CFAP20DC: variants seen among roughly 807,000 people sequenced by gnomAD.
The protein encoded by CFAP20DC is protein CFAP20DC.
CFAP20DC carries 84 observed loss-of-function variants against 101.7 expected under a neutral mutation model. The ratio of observed to expected loss-of-function variants is 0.83; its 90% CI spans 0.69 to 0.99. The LOEUF (loss-of-function observed/expected upper bound fraction) is 0.99, where lower values mean the gene tolerates loss of function less well. Among genes scored for constraint, CFAP20DC ranks in the 50% least tolerant of loss-of-function variants. The pLI is 0.00. For missense variants in CFAP20DC, 1,007 were observed against 970.3 expected (o/e 1.04, Z -0.50); for synonymous variants, 359 against 351.2 (o/e 1.02, Z -0.25).
intron 4 of CFAP20DC, among the ~76,000 whole-genome samples, chr3:58,968,299 A>T (rs2091721530): frequency 6.6e-6 from 1 of 152,154 alleles, no homozygotes; most frequent in Admixed American, 6.5e-5. Context: ...TGCTTTCCAC[A>T]ATGGTTGAAC....
chr3:58,784,676 T>C (rs2072158808), intron 15 of CFAP20DC, among the ~76,000 whole-genome samples: 1 of 152,126 alleles, frequency 6.6e-6, no homozygotes, highest in African/African-American at 2.4e-5. Flanking sequence ...CTTTTGGATA[T>C]ATACCCAGTA....
intron 3 of CFAP20DC, among the ~76,000 whole-genome samples, chr3:59,044,940 T>C (rs982725457): frequency 2.8e-4 from 43 of 151,808 alleles, no homozygotes; most frequent in African/African-American, 9.7e-4. Context: ...GTTCACCTCA[T>C]TTATAAGTAC....
At chr3:58,766,422 C>T (rs2070318062) in intron 15 of CFAP20DC, among the ~76,000 whole-genome samples, 1 of 152,180 alleles carries the variant, frequency 6.6e-6, no homozygotes, top group Non-Finnish European at 1.5e-5. Flanking sequence ...ACCATCTCCC[C>T]TTCCACCACC....
intron 13 of CFAP20DC, among the ~76,000 whole-genome samples, chr3:58,840,684 T>G (rs1009333849): frequency 3.9e-5 from 6 of 152,204 alleles, no homozygotes; most frequent in African/African-American, 1.4e-4. Context: ...AAGGTTTCAT[T>G]TGCTTTAGAA....
intron 13 of CFAP20DC, among the ~76,000 whole-genome samples, chr3:58,847,017 A>G (rs62252044): frequency 9.2e-4 from 103 of 112,198 alleles, no homozygotes; most frequent in Middle Eastern, 3.8e-3. Flanking sequence ...AATCAATTCA[A>G]GATGGATTAA....
chr3:58,842,375 T>C (rs1480230863), intron 13 of CFAP20DC, among the ~76,000 whole-genome samples: 2 of 152,066 alleles, frequency 1.3e-5, no homozygotes, highest in Admixed American at 1.3e-4. Context: ...GTCAGGGAGT[T>C]CCCTTTCCGA....
chr3:58,908,912 A>T (rs1183122325), intron 6 of CFAP20DC, among the ~76,000 whole-genome samples: 1 of 152,194 alleles, frequency 6.6e-6, no homozygotes, highest in East Asian at 1.9e-4. Flanking sequence ...AAGGCTACAT[A>T]CTATATACTT....
At chr3:58,862,640 C>A in intron 12 of CFAP20DC, 6 of 985,106 alleles carry the variant, frequency 6.1e-6, no homozygotes, top group Non-Finnish European at 7.2e-6. Context: ...TTAATCTGTG[C>A]CTCACTGTCC....
chr3:59,030,058 A>G (rs1318354596), intron 4 of CFAP20DC, among the ~76,000 whole-genome samples: 1 of 152,192 alleles, frequency 6.6e-6, no homozygotes, highest in Non-Finnish European at 1.5e-5. Context: ...AGCTGGCAAG[A>G]CTTCACTTAT....
chr3:58,849,564 A>G (rs1281820784), intron 12 of CFAP20DC, among the ~76,000 whole-genome samples, 155 bp from the exon 13 acceptor site: 1 of 152,218 alleles, frequency 6.6e-6, no homozygotes, highest in Admixed American at 6.5e-5. Context: ...AAACATGAGT[A>G]ACTAAAAGTA....
chr3:58,896,531 T>C lies in CFAP20DC; in HGVS notation c.551-11822A>G, dbSNP rs2082681569. Reference sequence around the variant, plus strand: ...TGATGTGGGCATTTAGTGTTATAAATTTCCCTTTTAACAGTGCTTTAGCTG... The same window carrying C: ...TGATGTGGGCATTTAGTGTTATAAACTTCCCTTTTAACAGTGCTTTAGCTG... On this transcript the variant is annotated intron_variant, in intron 6 of 16. Coordinates refer to ENST00000482387, the MANE Select transcript of CFAP20DC (RefSeq NM_001394063.1). Among the ~76,000 whole-genome samples, 3 of 152,314 alleles carry C rather than the reference T, an allele frequency of 2.0e-5. No individual in the cohort carries two copies. The South Asian group carries it at 6.2e-4, about 32-fold the overall frequency.
At chr3:58,742,618 CG>C in intron 16 of CFAP20DC, 46 bp from the exon 17 acceptor site, 1 of 1,449,122 alleles carries the variant, frequency 6.9e-7, no homozygotes, top group Non-Finnish European at 9.5e-7. Flanking sequence ...TGGCTTGGCC[CG>C]GAATCCCCAA....
intron 4 of CFAP20DC, among the ~76,000 whole-genome samples, chr3:58,940,197 C>A (rs2088337268): frequency 6.6e-6 from 1 of 152,124 alleles, no homozygotes; most frequent in Admixed American, 6.5e-5. Context: ...AAAGACTGAG[C>A]CAGGAAAATT....
chr3:58,951,910 T>C (rs1020576686), intron 4 of CFAP20DC, among the ~76,000 whole-genome samples: 1 of 151,460 alleles, frequency 6.6e-6, no homozygotes, highest in African/African-American at 2.4e-5. Flanking sequence ...AGTATAATAA[T>C]AAAAAAAAGG....
intron 6 of CFAP20DC, among the ~76,000 whole-genome samples, chr3:58,902,075 T>C (rs560340353): frequency 2.0e-5 from 3 of 152,372 alleles, no homozygotes; most frequent in Non-Finnish European, 2.9e-5. Context: ...CTCCACATTG[T>C]AGCAAGTGTC....
chr3:58,952,697 A>T (rs1418804379), intron 4 of CFAP20DC, among the ~76,000 whole-genome samples: 1 of 152,026 alleles, frequency 6.6e-6, no homozygotes, highest in Non-Finnish European at 1.5e-5. Context: ...TAAAAAAAAA[A>T]GTGTGGGCGT....
intron 15 of CFAP20DC, among the ~76,000 whole-genome samples, chr3:58,782,193 T>C (rs1032664778): frequency 1.3e-5 from 2 of 152,002 alleles, no homozygotes; most frequent in Admixed American, 1.3e-4. Context: ...AGGTTTATAA[T>C]CAACTCAATA....
chr3:58,974,816 C>T (rs1341962781), intron 4 of CFAP20DC, among the ~76,000 whole-genome samples: 1 of 152,152 alleles, frequency 6.6e-6, no homozygotes, highest in African/African-American at 2.4e-5. Context: ...CCCACTGCTA[C>T]TGGGCCAGGT....
chr3:58,730,677 CTA>C (rs1324445597), intron 3 of CFAP20DC, among the ~76,000 whole-genome samples: 1 of 152,144 alleles, frequency 6.6e-6, no homozygotes, highest in Non-Finnish European at 1.5e-5. Flanking sequence ...TGGAGAAAGA[CTA>C]TGAATGAAGC....
Sources: allele counts gnomAD v4.1 joint callset (sites outside exome capture counted in the v4.1 genomes callset), GRCh38; gene constraint gnomAD v4.1.1; transcripts MANE v1.5; gene names NCBI Gene and HGNC (gene_info 2026-07-23, HGNC 2026-07-21).